Variants in PALM observed in about 807,000 individuals in gnomAD.
The protein encoded by PALM is paralemmin, also known as paralemmin-1.
In PALM, 18 loss-of-function variants were observed where a neutral mutation model predicts 30.7. The observed-to-expected ratio is 0.59, with a 90% CI of 0.41 to 0.87. PALM has a LOEUF of 0.87. PALM is among the 40% of genes least tolerant of loss of function. The pLI is 0.00. For missense variants in PALM, 529 were observed against 555.4 expected (o/e 0.95, Z 0.48); for synonymous variants, 286 against 242.8 (o/e 1.18, Z -1.66).
At chr19:710,350 C>G (rs1221236487) in intron 1 of PALM, among the ~76,000 whole-genome samples, 1 of 152,182 alleles carries the variant, frequency 6.6e-6, no homozygotes, top group Non-Finnish European at 1.5e-5. Context: ...TCCCCGTCAC[C>G]CCGCCCCGGG....
At chr19:738,128 C>T (rs373015385) in intron 7 of PALM, among the ~76,000 whole-genome samples, 2 of 152,088 alleles carry the variant, frequency 1.3e-5, no homozygotes, top group South Asian at 2.1e-4. Context: ...CGGTGGCTCA[C>T]GCCTGTAATC....
intron 7 of PALM, among the ~76,000 whole-genome samples, chr19:737,071 A>C (rs553798382): frequency 1.3e-5 from 2 of 152,354 alleles, no homozygotes; most frequent in South Asian, 4.1e-4. Context: ...GCAGCAAGGC[A>C]GGGAGGTGAA....
At chr19:719,039 C>T in intron 1 of PALM, 1 of 852,452 alleles carries the variant, frequency 1.2e-6, no homozygotes, top group Non-Finnish European at 1.4e-6. Flanking sequence ...CTCCCCCACC[C>T]CCCACAATGG....
chr19:716,785 T>TG (rs1415539013), intron 1 of PALM, among the ~76,000 whole-genome samples: 1 of 152,166 alleles, frequency 6.6e-6, no homozygotes, highest in Non-Finnish European at 1.5e-5. Context: ...CCATTACACA[T>TG]GCACGTATAC....
At chr19:723,097 G>T (rs1261885959) in intron 1 of PALM, among the ~76,000 whole-genome samples, 1 of 151,914 alleles carries the variant, frequency 6.6e-6, no homozygotes, top group Non-Finnish European at 1.5e-5. Context: ...GTGAGCCAGT[G>T]CACTGTGCAG....
chr19:725,090 A>G (rs2032615966), intron 1 of PALM, among the ~76,000 whole-genome samples: 1 of 148,248 alleles, frequency 6.7e-6, no homozygotes, highest in Admixed American at 6.8e-5. Flanking sequence ...ACGCCCAGCT[A>G]ATTTTTGTAT....
intron 1 of PALM, among the ~76,000 whole-genome samples, chr19:712,873 G>T (rs911232620): frequency 1.3e-5 from 2 of 151,918 alleles, no homozygotes; most frequent in African/African-American, 4.8e-5. Flanking sequence ...ACAAGGTTTC[G>T]CCATGTTGGG....
intron 3 of PALM, among the ~76,000 whole-genome samples, 177 bp downstream of exon 3, chr19:727,265 C>A (rs1194303757): frequency 1.0e-5 from 1 of 99,680 alleles, no homozygotes; most frequent in Admixed American, 1.1e-4. Flanking sequence ...TGACCCCAAC[C>A]TGACCCCGAC....
At chr19:718,046 G>A (rs897014731) in intron 1 of PALM, among the ~76,000 whole-genome samples, 1 of 152,152 alleles carries the variant, frequency 6.6e-6, no homozygotes, top group East Asian at 1.9e-4. Context: ...GCCGGGCGTG[G>A]TGGCATGTGC....
chr19:741,568 G>T (rs1301233598), intron 8 of PALM, among the ~76,000 whole-genome samples: 1 of 151,106 alleles, frequency 6.6e-6, no homozygotes, highest in Non-Finnish European at 1.5e-5. Context: ...GGGCTGCAGG[G>T]GTGAGGGGGA....
chr19:720,204 C>T (rs1294937348), intron 1 of PALM, among the ~76,000 whole-genome samples: 1 of 151,860 alleles, frequency 6.6e-6, no homozygotes, highest in East Asian at 2.0e-4. Context: ...CTGCGCCGGC[C>T]CCACCCCCGC....
intron 8 of PALM, among the ~76,000 whole-genome samples, chr19:744,588 G>A (rs1884954465): frequency 6.6e-6 from 1 of 151,806 alleles, no homozygotes; most frequent in Non-Finnish European, 1.5e-5. Flanking sequence ...ACCCATAGAT[G>A]GAAAAAATCA....
At chr19:724,205 C>T (rs1000475053) in intron 1 of PALM, among the ~76,000 whole-genome samples, 15 of 151,986 alleles carry the variant, frequency 9.9e-5, no homozygotes, top group Non-Finnish European at 1.8e-4. Flanking sequence ...GTGGGGGTGG[C>T]GAGGGCTTCG....
chr19:713,132 G>A (rs34737303), intron 1 of PALM, among the ~76,000 whole-genome samples: 1 of 151,808 alleles, frequency 6.6e-6, no homozygotes, highest in Non-Finnish European at 1.5e-5. Context: ...CGGGGACAGG[G>A]GAGGGTTTTT....
Position 746,265 on chromosome 19 carries a change from C to T in PALM, c.635-20C>T, listed in dbSNP as rs764303301. 6.2e-7 allele frequency: 1 copy of T among 1,604,178 alleles called. No individual in the cohort carries two copies. The highest frequency in any genetic ancestry group is 1.7e-5 in the Admixed American group (1 of 57,454). On this transcript the variant is annotated intron_variant, in intron 8 of 8. Coordinates refer to ENST00000338448, the MANE Select transcript of PALM (RefSeq NM_002579.3). This position sits in a 1 kb window ranked among gnomAD's most constrained non-coding sequence, Gnocchi z 7.1. Reference sequence around the variant, plus strand: ...CTCCTGCCTGGAGCTGGGTCATTCTCTCTGTCTCTCCTTGTACAGTGGTCC... The same window carrying T: ...CTCCTGCCTGGAGCTGGGTCATTCTTTCTGTCTCTCCTTGTACAGTGGTCC...
chr19:710,031 CG>C (rs2032020717), intron 1 of PALM, among the ~76,000 whole-genome samples: 1 of 152,270 alleles, frequency 6.6e-6, no homozygotes, highest in East Asian at 1.9e-4. Flanking sequence ...GGGCACTGCA[CG>C]GGCAGGGGTC....
intron 5 of PALM, among the ~76,000 whole-genome samples, chr19:733,539 G>A (rs1309071235): frequency 6.6e-6 from 1 of 152,206 alleles, no homozygotes; most frequent in Non-Finnish European, 1.5e-5. Context: ...GGCGACACTA[G>A]ACCCTGAGCC....
intron 1 of PALM, among the ~76,000 whole-genome samples, chr19:712,897 A>T (rs1160556772): frequency 6.6e-6 from 1 of 152,152 alleles, no homozygotes; most frequent in African/African-American, 2.4e-5. Context: ...GCTGGTCTCA[A>T]ACTCCTGACC....
chr19:717,929 C>T (rs1330364985), intron 1 of PALM, among the ~76,000 whole-genome samples: 2 of 152,194 alleles, frequency 1.3e-5, no homozygotes, highest in African/African-American at 4.8e-5. Context: ...CGCCTGTAAT[C>T]CCAGCACTTT....
Sources: allele counts gnomAD v4.1 joint callset (sites outside exome capture counted in the v4.1 genomes callset), GRCh38; gene constraint gnomAD v4.1.1; non-coding constraint Gnocchi (gnomAD v3.1); transcripts MANE v1.5; gene names NCBI Gene and HGNC (gene_info 2026-07-23, HGNC 2026-07-21).